GOLGB1: variants seen among roughly 807,000 people sequenced by gnomAD.
The protein encoded by GOLGB1 is golgin B1.
In GOLGB1, 174 loss-of-function variants were observed where a neutral mutation model predicts 336.9. The ratio of observed to expected loss-of-function variants is 0.52; its 90% CI spans 0.46 to 0.59. The LOEUF (loss-of-function observed/expected upper bound fraction) is 0.59. Among genes scored for constraint, GOLGB1 ranks in the 20% least tolerant of loss-of-function variants. The probability of loss-of-function intolerance (pLI) is 0.00; values close to 1 mark genes in which losing one functional copy is unlikely to be tolerated. For synonymous variants in GOLGB1, 1,208 were observed against 1,289.2 expected, an observed-to-expected ratio of 0.94 and a Z score of 1.35; for missense variants, 3,331 against 3,645.3, an observed-to-expected ratio of 0.91 and a Z score of 2.22.
chr3:121,701,078 G>A (rs937740776), intron 11 of GOLGB1, among the ~76,000 whole-genome samples: 1 of 152,076 alleles, frequency 6.6e-6, no homozygotes, highest in African/African-American at 2.4e-5. Flanking sequence ...AAGATTACTT[G>A]AAAAAGGAGT....
At chr3:121,711,311 TAAAAATTAAGA>T (rs1450709411) in intron 10 of GOLGB1, among the ~76,000 whole-genome samples, 1 of 152,026 alleles carries the variant, frequency 6.6e-6, no homozygotes, top group Non-Finnish European at 1.5e-5. Context: ...AAGTTTATTT[TAAAAATTAAGA>T]AAAAATTAAG....
intron 1 of GOLGB1, among the ~76,000 whole-genome samples, chr3:121,739,162 G>A (rs1002566399): frequency 3.9e-5 from 6 of 152,118 alleles, no homozygotes; most frequent in African/African-American, 1.4e-4. Flanking sequence ...CTATTCAGGT[G>A]GCTGACGTGG....
At chr3:121,682,937 C>T (rs1437658958) in intron 14 of GOLGB1, among the ~76,000 whole-genome samples, 2 of 151,690 alleles carry the variant, frequency 1.3e-5, no homozygotes, top group Non-Finnish European at 2.9e-5. Flanking sequence ...CTTCAAAAGG[C>T]TCAGGAATTA....
intron 17 of GOLGB1, among the ~76,000 whole-genome samples, chr3:121,669,928 A>G (rs1198834750): frequency 6.6e-6 from 1 of 152,214 alleles, no homozygotes; most frequent in Non-Finnish European, 1.5e-5. Flanking sequence ...AACTGTTGAG[A>G]GCATAGATTC....
At chr3:121,681,947 T>C in intron 14 of GOLGB1, 82 bp from the exon 15 acceptor site, 2 of 877,178 alleles carry the variant, frequency 2.3e-6, no homozygotes, top group Non-Finnish European at 3.7e-6. Flanking sequence ...CCCTACTAAG[T>C]AGTCAGACAC....
At position 121,668,070 on chromosome 3, in the gene GOLGB1, G is replaced by A. The variant is rs553004218; in HGVS notation, c.9410C>T (p.Pro3137Leu). ...AGAGCCACTCCCCTACCTTTGCTGCGGTTCCCTTAGTTCCTCAGGGTCACT... is the reference window on the plus strand; with the variant it reads ...AGAGCCACTCCCCTACCTTTGCTGCAGTTCCCTTAGTTCCTCAGGGTCACT... ...RKSDPEELRE[P>L]QQSFSEAQQQ... Residue 3137 changes from proline to leucine, a missense_variant, in exon 19 of 22, where the codon CCG (proline) becomes CTG (leucine). By Grantham distance (98) the Pro-to-Leu change is moderately conservative. Transcript: ENST00000614479. The A allele has an allele frequency of 1.5e-5, 23 of 1,585,388 alleles. 1 individual carries two copies. Among genetic ancestry groups the A allele is most frequent in the South Asian group, 6.7e-5 (6 of 89,234 alleles).
In GOLGB1 at chr3:121,664,501, C is replaced by T. The variant is rs144359191; in HGVS notation, c.9774G>A (p.Leu3258=). 4.1e-5 allele frequency: 66 copies of T among 1,613,938 alleles called. No individual in the cohort carries two copies. In the African/African-American group the frequency reaches 8.4e-4, roughly 21 times the overall value. Reference sequence around the variant, plus strand: ...AAGTCTATAGATGGCCCGTAAAACACAGAATGAGCAGGACATGAATCATTA... The same window carrying T: ...AAGTCTATAGATGGCCCGTAAAACATAGAATGAGCAGGACATGAATCATTA... ...YFLMIHVLLI[L]CFTGHL is the part of the protein sequence containing the mutation. The change falls in exon 22 of 22, where the codon CTG becomes CTA. Residue 3258 remains leucine (L), a synonymous_variant. Transcript: ENST00000614479.
chr3:121,745,507 T>C (rs956091272), intron 1 of GOLGB1, among the ~76,000 whole-genome samples: 1 of 150,240 alleles, frequency 6.7e-6, no homozygotes, highest in African/African-American at 2.5e-5. Flanking sequence ...TGTACACGTG[T>C]ATGTATATAT....
At chr3:121,745,245 T>C (rs924596957) in intron 1 of GOLGB1, among the ~76,000 whole-genome samples, 7 of 152,026 alleles carry the variant, frequency 4.6e-5, no homozygotes, top group Admixed American at 2.6e-4. Context: ...AAAATATTCA[T>C]AGTCATAGTC....
chr3:121,675,540 A>C (rs1024430308), intron 17 of GOLGB1, among the ~76,000 whole-genome samples: 14 of 152,244 alleles, frequency 9.2e-5, no homozygotes, highest in Non-Finnish European at 1.9e-4. Flanking sequence ...TGAATCTCAC[A>C]AAATAAATGA....
chr3:121,745,545 T>C (rs545757047), intron 1 of GOLGB1, among the ~76,000 whole-genome samples: 10 of 151,760 alleles, frequency 6.6e-5, no homozygotes, highest in East Asian at 1.9e-4. Flanking sequence ...TGTATATATA[T>C]ACATATGTAT....
chr3:121,729,723 T>C (rs1380250158), intron 3 of GOLGB1, 142 bp downstream of exon 3: 4 of 630,520 alleles, frequency 6.3e-6, no homozygotes, highest in Non-Finnish European at 1.1e-5. Context: ...ACCCAAAAGT[T>C]ATTTTCAGTA....
chr3:121,697,967 C>T lies in GOLGB1; in HGVS notation c.2556G>A (p.Val852=). Residue 852 remains valine, a synonymous_variant, in exon 13 of 22, where the codon GTG becomes GTA. Coordinates refer to ENST00000614479, the MANE Select transcript of GOLGB1 (RefSeq NM_001366282.2). ...GCCTTACACGTTCTGCCCCCTCAAG[C>T]ACTTCACTTTCCTTATTTTGCAGCT... ...QSQLQNKESE[V]LEGAERVRHI... 1 of 1,614,116 alleles carries T rather than the reference C, an allele frequency of 6.2e-7. No individual in the cohort carries two copies. The highest frequency in any genetic ancestry group is 8.5e-7 in the Non-Finnish European group (1 of 1,179,980).
chr3:121,699,166 A>C lies in GOLGB1; in HGVS notation c.1594-237T>G, dbSNP rs182900740. Among the ~76,000 whole-genome samples the C allele has an allele frequency of 3.2e-3, 482 of 152,292 alleles. 3 individuals are homozygous for C. The highest frequency in any genetic ancestry group is 0.031 in the Middle Eastern group (9 of 294). ...AAGCCCTATTCATAAGACCTAAGGA[A>C]ATTGGGAATTCATTTTCTAGATATT... On this transcript the variant is annotated intron_variant, in intron 12 of 21. Transcript: ENST00000614479.
At chr3:121,712,074 CA>C (rs1208443880) in intron 10 of GOLGB1, among the ~76,000 whole-genome samples, 2 of 152,142 alleles carry the variant, frequency 1.3e-5, no homozygotes, top group Non-Finnish European at 2.9e-5. Context: ...AGACTAACAA[CA>C]AACTACAATA....
intron 1 of GOLGB1, among the ~76,000 whole-genome samples, chr3:121,739,352 T>A (rs983455781): frequency 6.6e-6 from 1 of 151,702 alleles, no homozygotes; most frequent in Non-Finnish European, 1.5e-5. Context: ...CATGATAACA[T>A]CCCGACAGAA....
At chr3:121,689,066 G>T (rs1165125417) in intron 14 of GOLGB1, among the ~76,000 whole-genome samples, 1 of 145,114 alleles carries the variant, frequency 6.9e-6, no homozygotes, top group Non-Finnish European at 1.5e-5. Flanking sequence ...AGGGAGGTGG[G>T]GGGGTCAGCC....
At chr3:121,666,708 T>A (rs1475743324) in intron 20 of GOLGB1, among the ~76,000 whole-genome samples, 1 of 152,234 alleles carries the variant, frequency 6.6e-6, no homozygotes, top group Non-Finnish European at 1.5e-5. Context: ...AGGAAAGTGA[T>A]CATATACATA....
chr3:121,744,632 A>T (rs1182206135), intron 1 of GOLGB1, among the ~76,000 whole-genome samples: 1 of 151,578 alleles, frequency 6.6e-6, no homozygotes, highest in Non-Finnish European at 1.5e-5. Flanking sequence ...AAAAAAAAAA[A>T]AAAAATTAAA....
Sources: gnomAD v4.1 joint callset for allele counts (sites outside exome capture counted in the v4.1 genomes callset) on GRCh38, gnomAD v4.1.1 for gene constraint, MANE v1.5 for transcripts, NCBI Gene and HGNC (gene_info 2026-07-23, HGNC 2026-07-21) for gene names.